The following SLC35F4 variants were observed in gnomAD, a reference collection of about 807,000 sequenced individuals.
SLC35F4 encodes the protein chromosome 14 open reading frame 36.
SLC35F4 carries 24 observed loss-of-function variants against 44.2 expected under a neutral mutation model. The ratio of observed to expected loss-of-function variants is 0.54; its 90% CI spans 0.39 to 0.76. The LOEUF (loss-of-function observed/expected upper bound fraction) is 0.76. SLC35F4 is among the 30% of genes least tolerant of loss of function. The pLI, the probability that SLC35F4 is intolerant of heterozygous loss-of-function variation, is 0.00. For missense variants in SLC35F4, 562 were observed against 586.1 expected, an observed-to-expected ratio of 0.96 and a Z score of 0.42; for synonymous variants, 238 against 223.6, an observed-to-expected ratio of 1.06 and a Z score of -0.57.
chr14:57,763,891 C>G (rs2077179992), intron 1 of SLC35F4, among the ~76,000 whole-genome samples: 1 of 152,158 alleles, frequency 6.6e-6, no homozygotes, highest in Non-Finnish European at 1.5e-5. Context: ...CATTAAACCT[C>G]AGCAGACTTT....
rs34860997 is a variant in SLC35F4, at chr14:57,758,001, ATGTGTGTGTG to A, written c.103+107712_103+107721del. The stretch of plus-strand genomic sequence containing the variant: ...TTTCTGGGTATAGGATTATAGGTTC[ATGTGTGTGTG>A]TGTGTGTGTGTGTGTGTGTGTGTGT... On this transcript the variant is annotated intron_variant, in intron 1 of 7. Coordinates refer to ENST00000556826, the MANE Select transcript of SLC35F4 (RefSeq NM_001306087.2). Among the ~76,000 whole-genome samples the A allele has an allele frequency of 3.7e-3, 482 of 129,022 alleles. 4 individuals carry two copies. Among genetic ancestry groups the A allele is most frequent in the African/African-American group, 0.012 (416 of 34,710 alleles). The allele number at this position is 129,022 out of a possible 152,430, so 84.6% of individuals were successfully genotyped here. A position where few individuals can be genotyped will look rare whatever the true frequency, so the allele number is the denominator to read the frequency against.
chr14:57,629,495 C>G (rs993395263), intron 1 of SLC35F4, among the ~76,000 whole-genome samples: 4 of 152,078 alleles, frequency 2.6e-5, no homozygotes, highest in Non-Finnish European at 5.9e-5. Context: ...CATACAATAT[C>G]TTCCAGAAAA....
chr14:57,748,803 A>G (rs1163722883), intron 1 of SLC35F4, among the ~76,000 whole-genome samples: 2 of 152,212 alleles, frequency 1.3e-5, no homozygotes, highest in Admixed American at 6.5e-5. Flanking sequence ...CAATGTGTAT[A>G]GTGTAGAGAA....
intron 1 of SLC35F4, among the ~76,000 whole-genome samples, chr14:57,814,920 C>T (rs182770612): frequency 6.6e-6 from 1 of 152,274 alleles, no homozygotes; most frequent in Admixed American, 6.5e-5. Context: ...TTGCCAGATA[C>T]AAACATCTCA....
rs528989513 is a variant in SLC35F4 at position 57,963,824 on chromosome 14, G to A, written n.282+18089C>T. Among the ~76,000 whole-genome samples the A allele has an allele frequency of 6.4e-4, 97 of 150,876 alleles. 2 individuals are homozygous for A. In the South Asian group the frequency reaches 0.019, roughly 30 times the overall value. On this transcript the variant is annotated intron_variant and non_coding_transcript_variant, in intron 1 of 1. Transcript: ENST00000556568. ...TGCCACTTCAACTTCCTGGGCTCAA[G>A]GGATCTTCACACTTCAGTCTCACAT...
At chr14:57,874,519 A>G (rs1566918415) in intron 1 of SLC35F4, among the ~76,000 whole-genome samples, 6 of 152,204 alleles carry the variant, frequency 3.9e-5, no homozygotes, top group Admixed American at 3.9e-4. Flanking sequence ...GAAATGTAAT[A>G]ACTTGCCCAG....
intron 1 of SLC35F4, among the ~76,000 whole-genome samples, chr14:57,787,777 T>A (rs2077804889): frequency 1.3e-5 from 2 of 151,990 alleles, no homozygotes; most frequent in South Asian, 4.2e-4. Flanking sequence ...TTGAAACAAA[T>A]CCTGGAAACA....
At chr14:57,932,565 G>C (rs900036668) in intron 1 of SLC35F4, among the ~76,000 whole-genome samples, 4 of 152,158 alleles carry the variant, frequency 2.6e-5, no homozygotes, top group African/African-American at 9.7e-5. Flanking sequence ...TTAGAAATTT[G>C]GGACCAGGTG....
chr14:57,791,923 A>G (rs1595074379), intron 1 of SLC35F4, among the ~76,000 whole-genome samples: 1 of 144,300 alleles, frequency 6.9e-6, no homozygotes, highest in Non-Finnish European at 1.5e-5. Flanking sequence ...ATGAGAACGT[A>G]TGGGTACAGG....
At chr14:57,862,141 TAGTC>T (rs1887734728) in intron 1 of SLC35F4, among the ~76,000 whole-genome samples, 2 of 152,098 alleles carry the variant, frequency 1.3e-5, no homozygotes, top group South Asian at 4.2e-4. Flanking sequence ...AACTCAAACT[TAGTC>T]AAACCAGAAA....
chr14:57,791,338 T>C (rs1296331438), intron 1 of SLC35F4, among the ~76,000 whole-genome samples: 4 of 151,862 alleles, frequency 2.6e-5, no homozygotes. Flanking sequence ...TATGAACACT[T>C]TTCAAAAGAA....
At chr14:57,646,084 CT>C (rs781247406) in intron 1 of SLC35F4, among the ~76,000 whole-genome samples, 80 of 152,180 alleles carry the variant, frequency 5.3e-4, no homozygotes, top group Non-Finnish European at 8.7e-4. Context: ...CTAAAATTAT[CT>C]TTTTTTGTTG....
rs116497410 is a variant in SLC35F4 at position 57,923,510 on chromosome 14, C to A, written n.282+58403G>T. Among the ~76,000 whole-genome samples, 623 of 152,334 alleles carry A rather than the reference C, an allele frequency of 4.1e-3. 4 individuals carry two copies. The highest frequency in any genetic ancestry group is 0.014 in the African/African-American group (595 of 41,582). Reference sequence around the variant, plus strand: ...GAAATACAGAATTCTATCCAACCAACAATGTACAAAATAGCTGAAGTCCCT... The same window carrying A: ...GAAATACAGAATTCTATCCAACCAAAAATGTACAAAATAGCTGAAGTCCCT... On this transcript the variant is annotated intron_variant and non_coding_transcript_variant, in intron 1 of 1. Transcript: ENST00000556568.
chr14:57,964,450 C>T (rs1357785669), intron 1 of SLC35F4, among the ~76,000 whole-genome samples: 2 of 152,156 alleles, frequency 1.3e-5, no homozygotes, highest in African/African-American at 4.8e-5. Flanking sequence ...CGAAACAATA[C>T]TCCTTACTCT....
At chr14:57,943,829 C>T (rs1011581874) in intron 1 of SLC35F4, among the ~76,000 whole-genome samples, 1 of 152,216 alleles carries the variant, frequency 6.6e-6, no homozygotes, top group Non-Finnish European at 1.5e-5. Context: ...CAGGAAGTCA[C>T]TCTGCATCAT....
intron 1 of SLC35F4, among the ~76,000 whole-genome samples, chr14:57,767,707 T>C (rs1055237484): frequency 6.6e-6 from 1 of 151,504 alleles, no homozygotes; most frequent in Admixed American, 6.6e-5. Context: ...AGGTAAATAA[T>C]AAGAATCAAT....
At chr14:57,635,805 A>G (rs1998459) in intron 1 of SLC35F4, among the ~76,000 whole-genome samples, 61,819 of 152,062 alleles carry the variant, frequency 0.41, 14,192 homozygotes, top group Non-Finnish European at 0.52. Context: ...TCTGAGAACA[A>G]ATTTAAATAA....
At chr14:57,927,496 C>CTTT (rs201058689) in intron 1 of SLC35F4, among the ~76,000 whole-genome samples, 2 of 141,008 alleles carry the variant, frequency 1.4e-5, no homozygotes, top group Admixed American at 7.1e-5. Context: ...TTTTCTTCTT[C>CTTT]TTTTTTTTTT....
intron 1 of SLC35F4, among the ~76,000 whole-genome samples, chr14:57,642,858 A>T (rs1431332997): frequency 6.6e-6 from 1 of 152,012 alleles, no homozygotes; most frequent in Non-Finnish European, 1.5e-5. Context: ...ACATTTAATT[A>T]TTTAGGTGGT....
Sources: allele counts gnomAD v4.1 joint callset (sites outside exome capture counted in the v4.1 genomes callset), GRCh38; gene constraint gnomAD v4.1.1; transcripts MANE v1.5; gene names NCBI Gene and HGNC (gene_info 2026-07-23, HGNC 2026-07-21).